The following EYS variants were observed in gnomAD, a reference collection of about 807,000 sequenced individuals.
The protein encoded by EYS is protein eyes shut homolog.
In EYS, 250 loss-of-function variants were observed where a neutral mutation model predicts 282.1. The ratio of observed to expected loss-of-function variants is 0.89; its 90% CI spans 0.80 to 0.98. The LOEUF is 0.98. Ranked by LOEUF, EYS falls within the 50% of genes least tolerant of loss-of-function variation. The pLI, the probability that EYS is intolerant of heterozygous loss-of-function variation, is 0.00. For synonymous variants in EYS, 1,355 were observed against 1,282.9 expected, an observed-to-expected ratio of 1.06 and a Z score of -1.20; for missense variants, 4,016 against 3,709.0, an observed-to-expected ratio of 1.08 and a Z score of -2.15.
chr6:63,898,969 C>G (rs1310468175), intron 35 of EYS, among the ~76,000 whole-genome samples: 2 of 152,064 alleles, frequency 1.3e-5, no homozygotes, highest in Non-Finnish European at 2.9e-5. Context: ...CCAGGCTGCT[C>G]TGTATTCCTA....
intron 40 of EYS, among the ~76,000 whole-genome samples, chr6:63,767,825 T>C: frequency 6.6e-6 from 1 of 152,076 alleles, no homozygotes; most frequent in East Asian, 1.9e-4. Context: ...CTTCAAACTA[T>C]ACTACAAGCC....
chr6:64,962,759 C>T (rs899682175), intron 14 of EYS, among the ~76,000 whole-genome samples: 2 of 151,490 alleles, frequency 1.3e-5, no homozygotes, highest in East Asian at 3.9e-4. Flanking sequence ...TCCCCAACAA[C>T]CCTCAAAAAA....
At chr6:64,953,973 T>A (rs1769601146) in intron 14 of EYS, among the ~76,000 whole-genome samples, 1 of 150,296 alleles carries the variant, frequency 6.7e-6, no homozygotes, top group Non-Finnish European at 1.5e-5. Context: ...AGAAACTTAG[T>A]CATTGTTCCC....
intron 22 of EYS, among the ~76,000 whole-genome samples, chr6:64,743,833 A>G (rs1221095112): frequency 1.3e-5 from 2 of 152,170 alleles, no homozygotes; most frequent in African/African-American, 2.4e-5. Flanking sequence ...AACAAAGCAC[A>G]ATACCAAATT....
At chr6:64,395,225 G>A (rs1355383944) in intron 28 of EYS, among the ~76,000 whole-genome samples, 6 of 152,064 alleles carry the variant, frequency 3.9e-5, no homozygotes, top group Non-Finnish European at 7.4e-5. Flanking sequence ...TCAGTGTGGC[G>A]ATTCCTCAGG....
rs914627135 is a variant in EYS at position 65,392,076 on chromosome 6, T to A, written c.1185-7576A>T. Among the ~76,000 whole-genome samples, 5 of 152,246 alleles carry A rather than the reference T, an allele frequency of 3.3e-5. No individual in the cohort carries two copies. The East Asian group carries it at 5.8e-4, about 18-fold the overall frequency. ...AGAGAAACAAGCAATGGGGAAAGGATTCCCTATTTAATAAATGGTGCTGGG... is the reference window on the plus strand; with the variant it reads ...AGAGAAACAAGCAATGGGGAAAGGAATCCCTATTTAATAAATGGTGCTGGG... On this transcript the variant is annotated intron_variant, in intron 7 of 42. Transcript: ENST00000503581.
In EYS at chr6:63,742,052, G is replaced by A. The variant is rs143675017; in HGVS notation, c.8072-15372C>T. 1,218 of 688,566 alleles carry A rather than the reference G, an allele frequency of 1.8e-3. 10 individuals carry two copies. In the African/African-American group the frequency reaches 0.018, roughly 10 times the overall value. The allele number at this position is 688,566 out of a possible 1,614,324, so 42.7% of individuals were successfully genotyped here. A position where few individuals can be genotyped will look rare whatever the true frequency, so the allele number is the denominator to read the frequency against. On this transcript the variant is annotated intron_variant, in intron 41 of 42. Transcript: ENST00000503581. ...TATCAGCAGTCTAATATCTTCTGTC[G>A]TGGCAGACACTCTTTGGATCTTTGA...
chr6:63,857,130 G>C (rs947876015), intron 36 of EYS, among the ~76,000 whole-genome samples: 1 of 152,102 alleles, frequency 6.6e-6, no homozygotes, highest in African/African-American at 2.4e-5. Flanking sequence ...TCATCATTTT[G>C]CTTCACCATC....
intron 22 of EYS, among the ~76,000 whole-genome samples, chr6:64,675,691 G>T (rs569350996): frequency 3.3e-5 from 5 of 151,772 alleles, no homozygotes; most frequent in South Asian, 2.1e-4. Flanking sequence ...GCCTCCCAAA[G>T]TGCTGGGATT....
intron 14 of EYS, among the ~76,000 whole-genome samples, chr6:64,996,906 G>T (rs1410023740): frequency 6.6e-6 from 1 of 152,156 alleles, no homozygotes; most frequent in Non-Finnish European, 1.5e-5. Context: ...TATAAGCCTG[G>T]ATTAGTATTG....
intron 5 of EYS, among the ~76,000 whole-genome samples, chr6:65,417,741 T>C (rs762406378): frequency 6.6e-6 from 1 of 152,040 alleles, no homozygotes; most frequent in Non-Finnish European, 1.5e-5. Flanking sequence ...TTTTATAAAG[T>C]AGATATTGTC....
intron 13 of EYS, among the ~76,000 whole-genome samples, chr6:65,042,177 T>C (rs909074802): frequency 2.0e-5 from 3 of 151,650 alleles, no homozygotes; most frequent in Admixed American, 6.6e-5. Flanking sequence ...AATATGAATA[T>C]AGATCATCAC....
At chr6:64,703,213 C>T (rs1250783177) in intron 22 of EYS, among the ~76,000 whole-genome samples, 1 of 151,188 alleles carries the variant, frequency 6.6e-6, no homozygotes, top group African/African-American at 2.4e-5. Context: ...GTGTTTATTC[C>T]CCTTGTCTAA....
intron 2 of EYS, among the ~76,000 whole-genome samples, chr6:65,560,583 A>G (rs2127344744): frequency 6.6e-6 from 1 of 151,700 alleles, no homozygotes; most frequent in Non-Finnish European, 1.5e-5. Flanking sequence ...ATTGTTCAAC[A>G]TGCACTGAAA....
At chr6:64,945,245 G>A (rs1769246266) in intron 15 of EYS, among the ~76,000 whole-genome samples, 1 of 151,548 alleles carries the variant, frequency 6.6e-6, no homozygotes, top group Non-Finnish European at 1.5e-5. Context: ...TCCATTAAAA[G>A]GTGGGCATAA....
rs542317121 is a variant in EYS, at chr6:65,234,903, G to T, written c.2023+60960C>A. Among the ~76,000 whole-genome samples, 47 of 152,208 alleles carry T rather than the reference G, an allele frequency of 3.1e-4. No individual in the cohort carries two copies. In the East Asian group the frequency reaches 8.9e-3, roughly 29 times the overall value. ...TCTGCAGGAATTTACTAATAAATTGGGAGTAGATTGGGTAAAAATGCCTGC... is the reference window on the plus strand; with the variant it reads ...TCTGCAGGAATTTACTAATAAATTGTGAGTAGATTGGGTAAAAATGCCTGC... On this transcript the variant is annotated intron_variant, in intron 12 of 42. Transcript: ENST00000503581.
At chr6:65,085,809 T>A (rs1774350996) in intron 12 of EYS, among the ~76,000 whole-genome samples, 1 of 152,122 alleles carries the variant, frequency 6.6e-6, no homozygotes, top group Non-Finnish European at 1.5e-5. Flanking sequence ...GACCATTTAG[T>A]TTATTTTTCT....
intron 12 of EYS, among the ~76,000 whole-genome samples, chr6:65,283,309 A>G (rs2150277075): frequency 6.6e-6 from 1 of 151,990 alleles, no homozygotes; most frequent in Admixed American, 6.6e-5. Flanking sequence ...TCAGCTCATG[A>G]TGTTAAACCA....
At chr6:65,651,168 G>C (rs1226483493) in intron 1 of EYS, among the ~76,000 whole-genome samples, 5 of 151,926 alleles carry the variant, frequency 3.3e-5, no homozygotes, top group African/African-American at 9.7e-5. Context: ...AATTGTACTA[G>C]AGAAAGCTAC....
Sources: allele counts gnomAD v4.1 joint callset (sites outside exome capture counted in the v4.1 genomes callset), GRCh38; gene constraint gnomAD v4.1.1; transcripts MANE v1.5; gene names NCBI Gene and HGNC (gene_info 2026-07-23, HGNC 2026-07-21).